Variants in RGS6 observed in about 807,000 individuals in gnomAD.
The protein encoded by RGS6 is regulator of G-protein signaling 6.
RGS6 carries 30 observed loss-of-function variants against 78.5 expected under a neutral mutation model. That is an observed-to-expected ratio of 0.38 (90% confidence interval 0.29 to 0.52). The LOEUF (loss-of-function observed/expected upper bound fraction) is 0.52. RGS6 is among the 20% of genes least tolerant of loss of function. RGS6 has a pLI of 0.85. For synonymous variants in RGS6, 206 were observed against 206.0 expected (o/e 1.00, Z 0.00); for missense variants, 495 against 609.7 (o/e 0.81, Z 1.98).
At chr14:72,064,606 A>C (rs966195824) in intron 2 of RGS6, among the ~76,000 whole-genome samples, 1 of 152,236 alleles carries the variant, frequency 6.6e-6, no homozygotes, top group Non-Finnish European at 1.5e-5. Context: ...GATTCCACTG[A>C]ATCTCACTGC....
chr14:72,488,856 C>T (rs894616433), intron 12 of RGS6, among the ~76,000 whole-genome samples: 13 of 152,152 alleles, frequency 8.5e-5, no homozygotes, highest in Admixed American at 2.0e-4. Context: ...GTGACCACAT[C>T]GAGGATCTGC....
chr14:71,999,458 G>A (rs1257905094), intron 2 of RGS6, among the ~76,000 whole-genome samples: 2 of 152,242 alleles, frequency 1.3e-5, no homozygotes, highest in African/African-American at 2.4e-5. Context: ...TTAGCTAGAT[G>A]TTGAAGAAAG....
intron 2 of RGS6, among the ~76,000 whole-genome samples, chr14:72,102,014 T>G (rs1442505592): frequency 6.6e-6 from 1 of 152,212 alleles, no homozygotes; most frequent in East Asian, 1.9e-4. Context: ...AAGGAGCTTT[T>G]GTAGGGAGTG....
At chr14:72,604,312 C>T in the RGS6 span, among the ~76,000 whole-genome samples, 1 of 152,202 alleles carries the variant, frequency 6.6e-6, no homozygotes, top group African/African-American at 2.4e-5. Context: ...GCCCTCTCCA[C>T]TTGGAAAGCC....
chr14:72,466,521 G>A (rs975457581), intron 7 of RGS6, among the ~76,000 whole-genome samples: 1 of 152,176 alleles, frequency 6.6e-6, no homozygotes, highest in African/African-American at 2.4e-5. Flanking sequence ...ACTAACTGTG[G>A]TACATCCATA....
At chr14:71,876,473 CTTTTTTTTTTTTTTTTTT>C in the RGS6 span, among the ~76,000 whole-genome samples, 23 of 72,492 alleles carry the variant, frequency 3.2e-4, no homozygotes, top group African/African-American at 1.0e-3. Flanking sequence ...GCAACCGCTG[CTTTTTTTTTTTTTTTTTT>C]TTTTTTTTTT....
chr14:71,885,477 A>G, the RGS6 span, among the ~76,000 whole-genome samples: 6 of 152,320 alleles, frequency 3.9e-5, no homozygotes, highest in East Asian at 7.7e-4. Flanking sequence ...AGGAGAGCCA[A>G]TTCTCAAAGG....
At chr14:72,527,687 C>T (rs144614454) in intron 15 of RGS6, among the ~76,000 whole-genome samples, 2 of 152,326 alleles carry the variant, frequency 1.3e-5, no homozygotes, top group Non-Finnish European at 2.9e-5. Context: ...AGTGCTTCCA[C>T]TTCTACTTCC....
At chr14:72,419,182 T>C (rs943073529) in intron 3 of RGS6, among the ~76,000 whole-genome samples, 4 of 152,248 alleles carry the variant, frequency 2.6e-5, no homozygotes, top group African/African-American at 9.6e-5. Flanking sequence ...ATGGTTGTTA[T>C]CTTTTGATTA....
chr14:72,101,302 C>T (rs1409230910), intron 2 of RGS6, among the ~76,000 whole-genome samples: 1 of 152,186 alleles, frequency 6.6e-6, no homozygotes, highest in Non-Finnish European at 1.5e-5. Flanking sequence ...TTCTTTTACT[C>T]ATCCATCAAT....
chr14:72,261,749 G>A (rs1420686746), intron 2 of RGS6, among the ~76,000 whole-genome samples: 2 of 152,084 alleles, frequency 1.3e-5, no homozygotes, highest in Admixed American at 6.6e-5. Flanking sequence ...GGGGGGTTTG[G>A]TGCTTCTTGT....
chr14:72,396,240 T>C (rs908410620), intron 3 of RGS6, among the ~76,000 whole-genome samples: 1 of 152,222 alleles, frequency 6.6e-6, no homozygotes, highest in African/African-American at 2.4e-5. Context: ...TGGTGTGAGA[T>C]GGATGGTATC....
chr14:72,282,751 T>A (rs1046142715), intron 2 of RGS6, among the ~76,000 whole-genome samples: 1 of 152,198 alleles, frequency 6.6e-6, no homozygotes, highest in Non-Finnish European at 1.5e-5. Flanking sequence ...TTGTGCCCCC[T>A]TGTTGTTTTT....
chr14:72,425,102 G>A (rs1194607073), intron 3 of RGS6, among the ~76,000 whole-genome samples: 1 of 152,146 alleles, frequency 6.6e-6, no homozygotes, highest in Non-Finnish European at 1.5e-5. Flanking sequence ...AATACCAAAG[G>A]CAGAAACCAT....
chr14:72,309,569 C>A lies in RGS6; in HGVS notation c.85-42526C>A, dbSNP rs144247605. Among the ~76,000 whole-genome samples, 862 of 152,302 alleles carry A rather than the reference C, an allele frequency of 5.7e-3. 5 individuals are homozygous for A. Among genetic ancestry groups the A allele is most frequent in the Middle Eastern group, 0.02 (6 of 294 alleles). On this transcript the variant is annotated intron_variant, in intron 2 of 17. Transcript: ENST00000553525. Reference sequence around the variant, plus strand: ...ATTTGCACTTGGTTTAGAAAACTTTCCTTTACCTAATCCTCAGGCGATACT... The same window carrying A: ...ATTTGCACTTGGTTTAGAAAACTTTACTTTACCTAATCCTCAGGCGATACT...
chr14:72,164,417 C>A (rs1453535229), intron 2 of RGS6, among the ~76,000 whole-genome samples: 1 of 152,150 alleles, frequency 6.6e-6, no homozygotes, highest in Non-Finnish European at 1.5e-5. Flanking sequence ...CCTGGCCAGC[C>A]ATGAGGTCGG....
intron 17 of RGS6, among the ~76,000 whole-genome samples, chr14:72,560,632 A>T (rs758333178): frequency 7.2e-5 from 11 of 152,344 alleles, no homozygotes; most frequent in Non-Finnish European, 1.6e-4. Flanking sequence ...TAGACAAAGG[A>T]GTAGTCATTC....
At chr14:72,131,740 G>A (rs1307288845) in intron 2 of RGS6, among the ~76,000 whole-genome samples, 3 of 152,170 alleles carry the variant, frequency 2.0e-5, no homozygotes, top group African/African-American at 7.2e-5. Context: ...AGATTTTCGA[G>A]TGTTAAAGGT....
At chr14:71,949,040 T>C (rs151111638) in intron 1 of RGS6, among the ~76,000 whole-genome samples, 1 of 152,210 alleles carries the variant, frequency 6.6e-6, no homozygotes, top group South Asian at 2.1e-4. Context: ...TATTCTACTT[T>C]GTGATATTCC....
Sources: gnomAD v4.1 joint callset for allele counts (sites outside exome capture counted in the v4.1 genomes callset) on GRCh38, gnomAD v4.1.1 for gene constraint, MANE v1.5 for transcripts, NCBI Gene and HGNC (gene_info 2026-07-23, HGNC 2026-07-21) for gene names.